Variants in PCDHAC2 observed in about 807,000 individuals in gnomAD.
PCDHAC2 encodes protocadherin alpha subfamily C, 2, also known as protocadherin alpha-C2.
In PCDHAC2, 24 loss-of-function variants were observed where a neutral mutation model predicts 63.3. That is an observed-to-expected ratio of 0.38 (90% CI 0.27 to 0.53). The LOEUF is 0.53. PCDHAC2 is among the 20% of genes least tolerant of loss of function. The probability of loss-of-function intolerance (pLI) is 0.81; values close to 1 mark genes in which losing one functional copy is unlikely to be tolerated. For missense variants in PCDHAC2, 1,181 were observed against 1,275.2 expected (o/e 0.93, Z 1.12); for synonymous variants, 569 against 529.4 (o/e 1.07, Z -1.03).
chr5:140,974,255 C>T (rs1049283311), intron 1 of PCDHAC2, among the ~76,000 whole-genome samples: 1 of 152,186 alleles, frequency 6.6e-6, no homozygotes, highest in African/African-American at 2.4e-5. Flanking sequence ...CCATCAGTTC[C>T]TTTCTGGCCT....
intron 3 of PCDHAC2, among the ~76,000 whole-genome samples, chr5:141,003,222 G>A (rs1221950770): frequency 2.6e-5 from 4 of 152,224 alleles, no homozygotes; most frequent in Non-Finnish European, 4.4e-5. Flanking sequence ...CATGAAAGAG[G>A]AAAGCTGGAA....
At chr5:140,983,437 A>C (rs1046174445) in intron 3 of PCDHAC2, among the ~76,000 whole-genome samples, 1 of 152,202 alleles carries the variant, frequency 6.6e-6, no homozygotes, top group African/African-American at 2.4e-5. Flanking sequence ...AATTGTGTCT[A>C]CTCTAATCCT....
chr5:140,984,692 C>T (rs1252057323), intron 3 of PCDHAC2, among the ~76,000 whole-genome samples: 2 of 152,130 alleles, frequency 1.3e-5, no homozygotes, highest in Non-Finnish European at 2.9e-5. Context: ...ATATGTTCTG[C>T]ACTGCTTGGA....
chr5:141,010,282 A>C lies in PCDHAC2; in HGVS notation c.*345A>C, dbSNP rs375556483. The C allele has an allele frequency of 6.4e-7, 1 of 1,551,130 alleles. No homozygotes were observed. Among genetic ancestry groups the C allele is most frequent in the Admixed American group, 2.0e-5 (1 of 50,878 alleles). On this transcript the variant is annotated 3_prime_UTR_variant, in exon 4 of 4. Transcript: ENST00000289269. ...GTGCTCCGGGGATCCTGTCTTGATGACACTTGCAGGGCAGGCTGAAAAGTT... is the reference window on the plus strand; with the variant it reads ...GTGCTCCGGGGATCCTGTCTTGATGCCACTTGCAGGGCAGGCTGAAAAGTT...
intron 3 of PCDHAC2, among the ~76,000 whole-genome samples, chr5:140,994,778 G>A (rs1488910527): frequency 1.3e-5 from 2 of 152,152 alleles, no homozygotes; most frequent in Non-Finnish European, 2.9e-5. Flanking sequence ...TCCAGGCAAA[G>A]GAAACAATGC....
chr5:141,010,612 A>C lies in PCDHAC2; in HGVS notation c.*675A>C. Reference sequence around the variant, plus strand: ...GTTGGCTGTGACGTCATTATACCTAAAATCTGCATCATACCTGCAAGCCAA... The same window carrying C: ...GTTGGCTGTGACGTCATTATACCTACAATCTGCATCATACCTGCAAGCCAA... On this transcript the variant is annotated 3_prime_UTR_variant, in exon 4 of 4. Transcript: ENST00000289269. 1 of 196,976 alleles carries C rather than the reference A, an allele frequency of 5.1e-6. No individual in the cohort carries two copies. The highest frequency in any genetic ancestry group is 1.0e-5 in the Non-Finnish European group (1 of 95,484). 12.2% of individuals were successfully genotyped at this position (196,976 alleles called of 1,614,324 possible). A position where few individuals can be genotyped will look rare whatever the true frequency, so the allele number is the denominator to read the frequency against.
Position 140,967,363 on chromosome 5 carries a change from C to T in PCDHAC2, c.597C>T (p.Pro199=), listed in dbSNP as rs539138806. Residue 199 remains proline, a synonymous_variant, in exon 1 of 4, where the codon CCC becomes CCT. Coordinates refer to ENST00000289269, the MANE Select transcript of PCDHAC2 (RefSeq NM_018899.6). ...PSEHFELDLK[P]LQENSKVLEL... ...AGCACTTCGAGCTGGACCTTAAGCCCCTGCAGGAGAACAGTAAAGTGCTTG... is the reference window on the plus strand; with the variant it reads ...AGCACTTCGAGCTGGACCTTAAGCCTCTGCAGGAGAACAGTAAAGTGCTTG... The T allele has an allele frequency of 1.6e-5, 26 of 1,607,546 alleles. No homozygotes were observed. The South Asian group carries it at 2.9e-4, about 18-fold the overall frequency.
At position 140,982,568 on chromosome 5, in the gene PCDHAC2, A is replaced by G. The variant is rs1158399397; in HGVS notation, c.2713+5A>G. 6.2e-7 allele frequency: 1 copy of G among 1,613,890 alleles called. No individual in the cohort carries two copies. The highest frequency in any genetic ancestry group is 8.5e-7 in the Non-Finnish European group (1 of 1,179,906). On this transcript the variant is annotated splice_donor_5th_base_variant and intron_variant, in intron 3 of 3. Coordinates refer to ENST00000289269, the MANE Select transcript of PCDHAC2 (RefSeq NM_018899.6). ...CAGTATCCAGTGCAACACCAGGTAA[A>G]GAGCTGGGGTCTCTCCATTCTTTCT...
In PCDHAC2 at chr5:141,011,182, G is replaced by C. The variant is rs887034679; in HGVS notation, c.*1245G>C. The C allele has an allele frequency of 6.5e-6, 1 of 153,494 alleles. No individual in the cohort carries two copies. Among genetic ancestry groups the C allele is most frequent in the African/African-American group, 2.4e-5 (1 of 41,364 alleles). The allele number at this position is 153,494 out of a possible 1,614,324, so 9.5% of individuals were successfully genotyped here. A position where few individuals can be genotyped will look rare whatever the true frequency, so the allele number is the denominator to read the frequency against. On this transcript the variant is annotated 3_prime_UTR_variant, in exon 4 of 4. Coordinates refer to ENST00000289269, the MANE Select transcript of PCDHAC2 (RefSeq NM_018899.6). The stretch of plus-strand genomic sequence containing the variant: ...TATATATCAAGACCCAAAAATTGAA[G>C]AAAAATATTGTTTTCTCATACAGTG...
rs782524334 is a variant in PCDHAC2 at position 140,967,162 on chromosome 5, C to T, written c.396C>T (p.Ser132=). 1.9e-6 allele frequency: 3 copies of T among 1,610,776 alleles called. No homozygotes were observed. The highest frequency in any genetic ancestry group is 2.5e-6 in the Non-Finnish European group (3 of 1,177,618). Residue 132 remains serine (S), a synonymous_variant, in exon 1 of 4, where the codon AGC becomes AGT. Transcript: ENST00000289269. ...TGGCGCACAACCCCGTGGCGGTGAG[C>T]GCCGTTGAGGTGGAAATATTGGACA... ...EVLAHNPVAV[S]AVEVEILDIN... is the part of the protein sequence containing the mutation.
At chr5:140,978,799 A>C (rs2096824173) in intron 1 of PCDHAC2, 150 bp from the exon 2 acceptor site, 2 of 1,479,066 alleles carry the variant, frequency 1.4e-6, no homozygotes, top group East Asian at 4.9e-5. Flanking sequence ...ATATATGTAG[A>C]TATCATCATA....
intron 2 of PCDHAC2, among the ~76,000 whole-genome samples, chr5:140,981,442 C>T (rs1379745081): frequency 6.6e-6 from 1 of 151,988 alleles, no homozygotes; most frequent in Non-Finnish European, 1.5e-5. Flanking sequence ...GGCATGGTGG[C>T]GGGTGCCTGT....
chr5:140,967,969 C>T lies in PCDHAC2; in HGVS notation c.1203C>T (p.Ser401=), dbSNP rs997628696. Residue 401 remains serine, a synonymous_variant, in exon 1 of 4, where the codon AGC becomes AGT. Transcript: ENST00000289269. ...ACTCAGGCCCCAACCGGAAAGTGAGCCTGGGTCTGGAGGCCACACTGCCTT... is the reference window on the plus strand; with the variant it reads ...ACTCAGGCCCCAACCGGAAAGTGAGTCTGGGTCTGGAGGCCACACTGCCTT... ...DQDSGPNRKV[S]LGLEATLPFR... 3 of 1,614,064 alleles carry T rather than the reference C, an allele frequency of 1.9e-6. No homozygotes were observed. The highest frequency in any genetic ancestry group is 1.3e-5 in the African/African-American group (1 of 74,922).
intron 3 of PCDHAC2, among the ~76,000 whole-genome samples, chr5:140,996,702 T>A (rs2097740306): frequency 6.6e-6 from 1 of 152,174 alleles, no homozygotes; most frequent in African/African-American, 2.4e-5. Context: ...TGAACCTCTA[T>A]CTCTTTGATT....
intron 1 of PCDHAC2, 174 bp downstream of exon 1, chr5:140,969,505 A>G (rs973647679): frequency 1.4e-6 from 2 of 1,428,552 alleles, no homozygotes; most frequent in South Asian, 3.0e-5. Context: ...CTAGAAAAAT[A>G]GCACTAAAGA....
In PCDHAC2 at chr5:140,969,019, G is replaced by A. The variant is rs782394566; in HGVS notation, c.2253G>A (p.Arg751=). ...CCGGFCGVRE[R]SPAELYKQAN... ...GAGGCTTCTGTGGAGTAAGGGAAAG[G>A]TCCCCTGCAGAACTGTACAAACAAG... Residue 751 remains arginine (R), a synonymous_variant, in exon 1 of 4, where the codon AGG becomes AGA. Transcript: ENST00000289269. 3.8e-5 allele frequency: 61 copies of A among 1,614,046 alleles called. No individual in the cohort carries two copies. Among genetic ancestry groups the A allele is most frequent in the Non-Finnish European group, 4.7e-5 (55 of 1,180,034 alleles).
Position 140,967,279 on chromosome 5 carries a change from T to G in PCDHAC2, c.513T>G (p.Ser171Arg), listed in dbSNP as rs184476796. The G allele has an allele frequency of 7.8e-5, 126 of 1,613,002 alleles. 1 individual carries two copies. The East Asian group carries it at 2.6e-3, about 34-fold the overall frequency. Residue 171 changes from serine (S) to arginine (R), a missense_variant, in exon 1 of 4, where the codon AGT (serine) becomes AGG (arginine). Around this residue, in one of 3 missense-constraint regions of PCDHAC2, gnomAD observed 968 missense variants for 1,073.5 expected, o/e 0.90. Coordinates refer to ENST00000289269, the MANE Select transcript of PCDHAC2 (RefSeq NM_018899.6). ...CTGGAGCGCGCTTTCACATAGAGAGTGCGCAGGACCCCGACGTGGGCGCCA... is the reference window on the plus strand; with the variant it reads ...CTGGAGCGCGCTTTCACATAGAGAGGGCGCAGGACCCCGACGTGGGCGCCA... ...VAPGARFHIESAQDPDVGANS... is the reference protein window; with the variant it reads ...VAPGARFHIERAQDPDVGANS...
chr5:141,009,770 A>T lies in PCDHAC2; in HGVS notation c.2857A>T (p.Ile953Phe). The part of the protein sequence containing the change: ...DKFIIPGSPA[I>F]ISIRQEPTNS... The stretch of plus-strand genomic sequence containing the variant: ...ATTCATTATCCCAGGATCTCCTGCA[A>T]TCATCTCCATCCGGCAGGAGCCTAC... The change falls in exon 4 of 4, where the codon ATC becomes TTC. Residue 953 changes from isoleucine to phenylalanine, a missense_variant. Transcript: ENST00000289269. 6.2e-7 allele frequency: 1 copy of T among 1,614,160 alleles called. No homozygotes were observed. The highest frequency in any genetic ancestry group is 8.5e-7 in the Non-Finnish European group (1 of 1,180,028).
intron 3 of PCDHAC2, among the ~76,000 whole-genome samples, chr5:140,999,859 C>T (rs2153959609): frequency 6.6e-6 from 1 of 152,256 alleles, no homozygotes; most frequent in South Asian, 2.1e-4. Context: ...TCTTCCGCTC[C>T]AAGATTACTG....
Sources: allele counts gnomAD v4.1 joint callset (sites outside exome capture counted in the v4.1 genomes callset), GRCh38; gene constraint gnomAD v4.1.1; regional missense constraint gnomAD v4.1.1; transcripts MANE v1.5; gene names NCBI Gene and HGNC (gene_info 2026-07-23, HGNC 2026-07-21).